The following PPFIA2 variants were observed in gnomAD, a reference collection of about 807,000 sequenced individuals.
The protein encoded by PPFIA2 is liprin-alpha-2.
A neutral mutation model predicts 175.5 loss-of-function variants in PPFIA2; 46 were observed. That is an observed-to-expected ratio of 0.26 (90% CI 0.21 to 0.34). The LOEUF (loss-of-function observed/expected upper bound fraction) is 0.34, where lower values mean the gene tolerates loss of function less well. PPFIA2 is among the 10% of genes least tolerant of loss of function. The pLI is 1.00. For synonymous variants in PPFIA2, 568 were observed against 511.4 expected, an observed-to-expected ratio of 1.11 and a Z score of -1.49; for missense variants, 1,179 against 1,506.1, an observed-to-expected ratio of 0.78 and a Z score of 3.60.
At chr12:81,667,578 A>G (rs553531280) in intron 4 of PPFIA2, among the ~76,000 whole-genome samples, 136 of 152,242 alleles carry the variant, frequency 8.9e-4, no homozygotes, top group African/African-American at 3.2e-3. Context: ...ACTTCAATTC[A>G]AACAAGCAAC....
intron 4 of PPFIA2, among the ~76,000 whole-genome samples, chr12:81,505,045 A>G (rs1418507900): frequency 6.6e-6 from 1 of 152,132 alleles, no homozygotes; most frequent in African/African-American, 2.4e-5. Flanking sequence ...CCTAATGTAG[A>G]TAACGGGTTG....
rs574136373 is a variant in PPFIA2, at chr12:81,643,390, A to C, written c.303+33401T>G. Among the ~76,000 whole-genome samples the C allele has an allele frequency of 5.9e-5, 9 of 152,114 alleles. No individual in the cohort carries two copies. The East Asian group carries it at 1.5e-3, about 26-fold the overall frequency. On this transcript the variant is annotated intron_variant, in intron 4 of 32. Coordinates refer to ENST00000549396, the MANE Select transcript of PPFIA2 (RefSeq NM_003625.5). ...TTATCCTGCATAATGATTTCTAGTA[A>C]TTACACAAAGTCCAATAAGTCTACA...
chr12:81,727,781 T>C (rs1425082408), intron 3 of PPFIA2, among the ~76,000 whole-genome samples: 2 of 151,392 alleles, frequency 1.3e-5, no homozygotes, highest in Admixed American at 1.3e-4. Flanking sequence ...ATGTAAGAGA[T>C]TTATATAATA....
intron 3 of PPFIA2, among the ~76,000 whole-genome samples, chr12:81,692,365 C>T (rs1160236975): frequency 9.2e-5 from 14 of 152,012 alleles, no homozygotes; most frequent in Admixed American, 9.2e-4. Flanking sequence ...CCAGCTAAAC[C>T]GTGCCAAATT....
intron 8 of PPFIA2, among the ~76,000 whole-genome samples, chr12:81,391,264 G>T (rs2040055278): frequency 6.6e-6 from 1 of 151,864 alleles, no homozygotes; most frequent in African/African-American, 2.4e-5. Context: ...AAGGAAAGGA[G>T]GGGAGTACTT....
intron 32 of PPFIA2, among the ~76,000 whole-genome samples, chr12:81,261,728 C>T (rs2136096762): frequency 6.6e-6 from 1 of 152,210 alleles, no homozygotes; most frequent in Non-Finnish European, 1.5e-5. Flanking sequence ...TGATAGGCCT[C>T]CAACAGGCAG....
At chr12:81,437,942 T>C (rs1262283641) in intron 7 of PPFIA2, among the ~76,000 whole-genome samples, 1 of 151,770 alleles carries the variant, frequency 6.6e-6, no homozygotes, top group Non-Finnish European at 1.5e-5. Context: ...CTTTTTTTTT[T>C]TTTTCCCCCA....
chr12:81,576,952 A>G (rs1175263160), intron 4 of PPFIA2, among the ~76,000 whole-genome samples: 1 of 151,806 alleles, frequency 6.6e-6, no homozygotes, highest in Non-Finnish European at 1.5e-5. Flanking sequence ...TTTATAATAC[A>G]GCTGAAGATA....
At chr12:81,370,680 T>A (rs566497916) in intron 11 of PPFIA2, among the ~76,000 whole-genome samples, 1 of 151,984 alleles carries the variant, frequency 6.6e-6, no homozygotes, top group South Asian at 2.1e-4. Context: ...GTTAGATACA[T>A]GTCTTGGAGG....
rs1178603392 is a variant in PPFIA2 at position 81,369,179 on chromosome 12, C to G, written c.1282G>C (p.Gly428Arg). The G allele has an allele frequency of 6.2e-7, 1 of 1,608,400 alleles. No individual in the cohort carries two copies. Residue 428 changes from glycine (G) to arginine (R), a missense_variant, in exon 12 of 33, where the codon GGA becomes CGA. Gly to Arg is a moderately radical substitution (Grantham distance 125). Coordinates refer to ENST00000549396, the MANE Select transcript of PPFIA2 (RefSeq NM_003625.5). ...AALTKAEERH[G>R]NIEERMRHLE... Reference sequence around the variant, plus strand: ...TGTCTCATACGTTCTTCAATATTTCCATGTCTCTCTTCAGCCTGTTAAGAA... The same window carrying G: ...TGTCTCATACGTTCTTCAATATTTCGATGTCTCTCTTCAGCCTGTTAAGAA...
At chr12:81,699,148 T>C (rs1406163531) in intron 3 of PPFIA2, among the ~76,000 whole-genome samples, 2 of 152,042 alleles carry the variant, frequency 1.3e-5, no homozygotes, top group Non-Finnish European at 2.9e-5. Context: ...CTAAAGGAGA[T>C]ATAGAGAGTA....
intron 17 of PPFIA2, 70 bp from the exon 18 acceptor site, chr12:81,347,840 T>G (rs2140633344): frequency 6.5e-7 from 1 of 1,542,942 alleles, no homozygotes; most frequent in East Asian, 2.3e-5. Context: ...GCTGTAAGGA[T>G]CATTGGAATT....
At chr12:81,710,887 T>G (rs992184527) in intron 3 of PPFIA2, among the ~76,000 whole-genome samples, 5 of 151,356 alleles carry the variant, frequency 3.3e-5, no homozygotes, top group African/African-American at 1.2e-4. Flanking sequence ...TCAATCTGTA[T>G]GTATATCCAC....
chr12:81,453,889 A>G (rs1472262875), intron 5 of PPFIA2, among the ~76,000 whole-genome samples: 1 of 152,156 alleles, frequency 6.6e-6, no homozygotes, highest in African/African-American at 2.4e-5. Context: ...GACTTTCCAC[A>G]TGACTAACAC....
intron 4 of PPFIA2, among the ~76,000 whole-genome samples, chr12:81,475,047 C>G (rs985079271): frequency 1.3e-5 from 2 of 152,178 alleles, no homozygotes; most frequent in Non-Finnish European, 2.9e-5. Flanking sequence ...ATTCATACTA[C>G]TCTTTCTTTG....
At chr12:81,482,564 C>G (rs1260014983) in intron 4 of PPFIA2, among the ~76,000 whole-genome samples, 1 of 151,980 alleles carries the variant, frequency 6.6e-6, no homozygotes, top group Non-Finnish European at 1.5e-5. Context: ...GCCATAAAAA[C>G]GGATGAGTTC....
chr12:81,654,861 A>T (rs755514669), intron 4 of PPFIA2, among the ~76,000 whole-genome samples: 24 of 152,114 alleles, frequency 1.6e-4, no homozygotes, highest in Non-Finnish European at 2.9e-5. Context: ...CTTCTTTTTA[A>T]CTGTCTGTTA....
intron 4 of PPFIA2, among the ~76,000 whole-genome samples, chr12:81,669,627 G>T (rs895497360): frequency 6.6e-6 from 1 of 151,920 alleles, no homozygotes; most frequent in Non-Finnish European, 1.5e-5. Context: ...GAGGCAGTAA[G>T]CCATGAGGAT....
At chr12:81,311,732 C>CAAAAAAAAAAAAAAAA (rs1050904857) in intron 22 of PPFIA2, among the ~76,000 whole-genome samples, 1 of 48,368 alleles carries the variant, frequency 2.1e-5, no homozygotes, top group Non-Finnish European at 4.0e-5. Context: ...GACTCTGTCT[C>CAAAAAAAAAAAAAAAA]AAAAAAAAAA....
Sources: allele counts gnomAD v4.1 joint callset (sites outside exome capture counted in the v4.1 genomes callset), GRCh38; gene constraint gnomAD v4.1.1; transcripts MANE v1.5; gene names NCBI Gene and HGNC (gene_info 2026-07-23, HGNC 2026-07-21).